Variants in SMYD3 observed in about 807,000 individuals in gnomAD.
The protein encoded by SMYD3 is SET and MYND domain containing 3, also known as histone-lysine N-methyltransferase SMYD3.
Under a neutral mutation model 57.7 loss-of-function variants are expected in SMYD3, and 36 were observed. The observed-to-expected ratio is 0.62, with a 90% CI of 0.48 to 0.82. The LOEUF is 0.82. Ranked by LOEUF, SMYD3 falls within the 40% of genes least tolerant of loss-of-function variation. The probability of loss-of-function intolerance (pLI) is 0.00; values close to 1 mark genes in which losing one functional copy is unlikely to be tolerated. For synonymous variants in SMYD3, 211 were observed against 195.0 expected (o/e 1.08, Z -0.68); for missense variants, 515 against 538.8 (o/e 0.96, Z 0.44).
intron 5 of SMYD3, among the ~76,000 whole-genome samples, chr1:246,033,289 A>C (rs1451366862): frequency 6.6e-6 from 1 of 152,146 alleles, no homozygotes; most frequent in Non-Finnish European, 1.5e-5. Flanking sequence ...GTGAAAAAAA[A>C]ACCCAGAAGG....
intron 8 of SMYD3, among the ~76,000 whole-genome samples, chr1:245,888,011 T>A (rs1328362639): frequency 6.6e-6 from 1 of 152,216 alleles, no homozygotes; most frequent in African/African-American, 2.4e-5. Context: ...TAAGACGCCT[T>A]ATTTCCAGAG....
At chr1:246,145,302 A>C (rs2061825429) in intron 5 of SMYD3, among the ~76,000 whole-genome samples, 1 of 152,224 alleles carries the variant, frequency 6.6e-6, no homozygotes, top group Non-Finnish European at 1.5e-5. Flanking sequence ...GCTGTCAGGA[A>C]TATTAGTTAT....
chr1:246,461,434 A>G (rs1363135047), intron 1 of SMYD3, among the ~76,000 whole-genome samples: 7 of 152,234 alleles, frequency 4.6e-5, no homozygotes, highest in African/African-American at 1.7e-4. Context: ...GTAAAAACTT[A>G]GAACAATTTT....
chr1:246,236,443 C>T (rs1467744060), intron 5 of SMYD3, among the ~76,000 whole-genome samples: 1 of 151,996 alleles, frequency 6.6e-6, no homozygotes, highest in Non-Finnish European at 1.5e-5. Flanking sequence ...GAGATGGAGT[C>T]TCACTCTGTC....
chr1:246,503,333 G>C (rs2068485748), intron 1 of SMYD3, among the ~76,000 whole-genome samples: 1 of 152,136 alleles, frequency 6.6e-6, no homozygotes, highest in Admixed American at 6.5e-5. Flanking sequence ...ACTATCATTA[G>C]AGTTTGCCAG....
intron 1 of SMYD3, among the ~76,000 whole-genome samples, chr1:246,380,367 C>A (rs943639600): frequency 6.6e-6 from 1 of 152,154 alleles, no homozygotes; most frequent in Admixed American, 6.5e-5. Flanking sequence ...ATTGATCAAC[C>A]TTGACTAAGC....
In SMYD3 at chr1:246,006,757, A is replaced by C. The variant is rs533710845; in HGVS notation, c.532-76820T>G. The stretch of plus-strand genomic sequence containing the variant: ...CCACAGGGAGGTGAGCTGTCTCGGA[A>C]GGAGCCCTCCACGCAGACCCCACAG... On this transcript the variant is annotated intron_variant, in intron 5 of 11. Coordinates refer to ENST00000490107, the MANE Select transcript of SMYD3 (RefSeq NM_001167740.2). Among the ~76,000 whole-genome samples, 3 of 152,178 alleles carry C rather than the reference A, an allele frequency of 2.0e-5. No individual in the cohort carries two copies. In the South Asian group the frequency reaches 6.3e-4, roughly 32 times the overall value.
intron 10 of SMYD3, among the ~76,000 whole-genome samples, chr1:245,845,530 C>T (rs1413518842): frequency 6.6e-6 from 1 of 152,164 alleles, no homozygotes; most frequent in Non-Finnish European, 1.5e-5. Context: ...CAGGTCCTGA[C>T]ATAATTTCTT....
At chr1:245,877,595 A>G (rs933128620) in intron 8 of SMYD3, among the ~76,000 whole-genome samples, 2 of 152,220 alleles carry the variant, frequency 1.3e-5, no homozygotes, top group African/African-American at 2.4e-5. Flanking sequence ...GAGACTGAAG[A>G]GAAAAGGAAC....
At chr1:246,394,240 A>G (rs1226193564) in intron 1 of SMYD3, among the ~76,000 whole-genome samples, 4 of 152,242 alleles carry the variant, frequency 2.6e-5, no homozygotes, top group African/African-American at 7.2e-5. Flanking sequence ...AAAACCCAAG[A>G]TCTCTAACAC....
intron 10 of SMYD3, among the ~76,000 whole-genome samples, chr1:245,849,470 G>A (rs2050841174): frequency 6.6e-6 from 1 of 152,076 alleles, no homozygotes; most frequent in Non-Finnish European, 1.5e-5. Context: ...TTATGTGTAT[G>A]GACCAAAAGG....
chr1:245,985,634 T>A (rs1193683240), intron 5 of SMYD3, among the ~76,000 whole-genome samples: 1 of 152,214 alleles, frequency 6.6e-6, no homozygotes, highest in Non-Finnish European at 1.5e-5. Flanking sequence ...TCGGTCAACA[T>A]CATAATACTT....
chr1:246,144,539 A>C (rs964264485), intron 5 of SMYD3, among the ~76,000 whole-genome samples: 2 of 152,206 alleles, frequency 1.3e-5, no homozygotes, highest in African/African-American at 2.4e-5. Context: ...TTATATGAGA[A>C]TGGGCAAAGT....
At chr1:246,243,044 T>A (rs949246340) in intron 5 of SMYD3, among the ~76,000 whole-genome samples, 4 of 152,058 alleles carry the variant, frequency 2.6e-5, no homozygotes, top group Admixed American at 1.3e-4. Flanking sequence ...GACAGATCAA[T>A]GAGACAGAAA....
intron 1 of SMYD3, among the ~76,000 whole-genome samples, chr1:246,438,821 A>C (rs2067420046): frequency 6.6e-6 from 1 of 151,342 alleles, no homozygotes; most frequent in South Asian, 2.1e-4. Flanking sequence ...TCATACTGTG[A>C]GATCTAGTGT....
At chr1:246,290,711 A>ATAT (rs1045672303) in intron 5 of SMYD3, among the ~76,000 whole-genome samples, 21 of 152,144 alleles carry the variant, frequency 1.4e-4, no homozygotes, top group African/African-American at 4.8e-4. Context: ...GAAAAACCCT[A>ATAT]TATTCTTTCC....
chr1:245,927,219 C>G (rs1459476657), intron 7 of SMYD3, among the ~76,000 whole-genome samples: 1 of 152,204 alleles, frequency 6.6e-6, no homozygotes, highest in Non-Finnish European at 1.5e-5. Context: ...ACTGTGCAAA[C>G]CAGTGCAAGC....
At chr1:246,409,332 C>G (rs1284833797) in intron 1 of SMYD3, among the ~76,000 whole-genome samples, 1 of 152,050 alleles carries the variant, frequency 6.6e-6, no homozygotes, top group African/African-American at 2.4e-5. Context: ...GTCTTTAATC[C>G]ATCTTGAATT....
intron 5 of SMYD3, among the ~76,000 whole-genome samples, chr1:246,069,026 G>A (rs1435821338): frequency 1.3e-5 from 2 of 152,168 alleles, no homozygotes; most frequent in African/African-American, 4.8e-5. Flanking sequence ...AAACAAGGTG[G>A]CTCTCATCTG....
Sources: allele counts gnomAD v4.1 joint callset (sites outside exome capture counted in the v4.1 genomes callset), GRCh38; gene constraint gnomAD v4.1.1; transcripts MANE v1.5; gene names NCBI Gene and HGNC (gene_info 2026-07-23, HGNC 2026-07-21).